The following ABI2 variants were observed in gnomAD, a reference collection of about 807,000 sequenced individuals.
The protein encoded by ABI2 is abl interactor 2, also known as abelson interactor 2.
A neutral mutation model predicts 59.2 loss-of-function variants in ABI2; 25 were observed. The observed-to-expected ratio is 0.42, with a 90% confidence interval of 0.31 to 0.59. ABI2 has a LOEUF of 0.59. Among genes scored for constraint, ABI2 ranks in the 20% least tolerant of loss-of-function variants. ABI2 has a pLI of 0.14. For synonymous variants in ABI2, 213 were observed against 235.5 expected (o/e 0.90, Z 0.87); for missense variants, 545 against 681.8 (o/e 0.80, Z 2.23).
At chr2:203,333,816 T>C (rs546629592) in intron 1 of ABI2, among the ~76,000 whole-genome samples, 5 of 152,220 alleles carry the variant, frequency 3.3e-5, no homozygotes, top group Admixed American at 2.0e-4. Context: ...ATTTCCGTTA[T>C]TGATCCAGGA....
At chr2:203,387,267 T>C (rs1357253420) in intron 4 of ABI2, among the ~76,000 whole-genome samples, 1 of 152,148 alleles carries the variant, frequency 6.6e-6, no homozygotes, top group Non-Finnish European at 1.5e-5. Flanking sequence ...AGGCATGATA[T>C]TTGTAATGAA....
intron 9 of ABI2, among the ~76,000 whole-genome samples, chr2:203,405,339 TG>T (rs1359559231): frequency 6.6e-6 from 1 of 152,218 alleles, no homozygotes; most frequent in East Asian, 1.9e-4. Context: ...TAATGATTTG[TG>T]AATCAGTGTT....
At position 203,334,280 on chromosome 2, in the gene ABI2, A is replaced by G. The variant is rs531838804; in HGVS notation, c.117+5649A>G. ...TTCTTACCTTGGTATGGGTAATGTG[A>G]GAATGTATGATAGGTTTACTTTATT... On this transcript the variant is annotated intron_variant, in intron 1 of 11. Coordinates refer to ENST00000261018, the MANE Select transcript of ABI2 (RefSeq NM_001375670.1). Among the ~76,000 whole-genome samples, 8 of 152,148 alleles carry G rather than the reference A, an allele frequency of 5.3e-5. No homozygotes were observed. The East Asian group carries it at 1.5e-3, about 29-fold the overall frequency.
intron 1 of ABI2, among the ~76,000 whole-genome samples, chr2:203,338,037 G>C (rs1183367715): frequency 1.3e-5 from 2 of 152,112 alleles, no homozygotes; most frequent in African/African-American, 4.8e-5. Context: ...CTCAAAAAAA[G>C]CTATAGTAAT....
chr2:203,369,079 C>T (rs2094846232), intron 2 of ABI2, among the ~76,000 whole-genome samples: 1 of 147,702 alleles, frequency 6.8e-6, no homozygotes, highest in African/African-American at 2.5e-5. Flanking sequence ...CAAGCAGTCT[C>T]CCACCTTAGT....
chr2:203,368,483 C>A (rs1222543715), intron 2 of ABI2, among the ~76,000 whole-genome samples: 3 of 152,004 alleles, frequency 2.0e-5, no homozygotes, highest in Non-Finnish European at 4.4e-5. Flanking sequence ...AATGAACTAA[C>A]CATCTTTGAG....
At chr2:203,335,462 A>G (rs954829925) in intron 1 of ABI2, among the ~76,000 whole-genome samples, 6 of 151,898 alleles carry the variant, frequency 4.0e-5, no homozygotes, top group Admixed American at 1.3e-4. Flanking sequence ...GGATCTCACT[A>G]TGTTGCTCCG....
chr2:203,377,503 C>T (rs1040386048), intron 2 of ABI2, among the ~76,000 whole-genome samples: 7 of 152,048 alleles, frequency 4.6e-5, no homozygotes, highest in African/African-American at 7.2e-5. Flanking sequence ...ATTGATCTGA[C>T]GAAGACCCAT....
chr2:203,338,414 C>T (rs949797413), intron 1 of ABI2, among the ~76,000 whole-genome samples: 9 of 151,466 alleles, frequency 5.9e-5, no homozygotes, highest in Admixed American at 5.3e-4. Flanking sequence ...GGGGCAGATC[C>T]CTCATGAATG....
intron 1 of ABI2, 75 bp from the exon 2 acceptor site, chr2:203,366,800 TGA>T (rs1471446567): frequency 3.7e-5 from 52 of 1,390,364 alleles, no homozygotes; most frequent in Non-Finnish European, 4.6e-5. Flanking sequence ...ATCGTTGTGA[TGA>T]GTTTTTTGGT....
At chr2:203,375,895 A>G (rs973547038) in intron 2 of ABI2, 5 of 458,548 alleles carry the variant, frequency 1.1e-5, no homozygotes, top group Non-Finnish European at 1.5e-5. Flanking sequence ...ATAGAACCGT[A>G]GCCATTTTCT....
chr2:203,368,093 C>T (rs996493893), intron 2 of ABI2, among the ~76,000 whole-genome samples: 2 of 151,986 alleles, frequency 1.3e-5, no homozygotes, highest in African/African-American at 2.4e-5. Context: ...TTTAACTTAG[C>T]GTTAAGGCAA....
rs184517881 is a variant in ABI2, at chr2:203,430,023, T to C, written c.*2671T>C. On this transcript the variant is annotated 3_prime_UTR_variant, in exon 12 of 12. Transcript: ENST00000261018. The stretch of plus-strand genomic sequence containing the variant: ...TGTTTTACAAACAGTACCTTTTGGG[T>C]TTTCTGCATATTTTATAATTTTTGT... The C allele has an allele frequency of 3.0e-4, 45 of 152,250 alleles. No homozygotes were observed. Among genetic ancestry groups the C allele is most frequent in the African/African-American group, 1.1e-3 (44 of 41,512 alleles). The allele number at this position is 152,250 out of a possible 1,614,324, so 9.4% of individuals were successfully genotyped here.
intron 5 of ABI2, 68 bp from the exon 6 acceptor site, chr2:203,394,632 G>A: frequency 6.8e-7 from 1 of 1,475,380 alleles, no homozygotes; most frequent in Non-Finnish European, 9.3e-7. Flanking sequence ...TCAACTGCTG[G>A]CAACTCTTTG....
intron 4 of ABI2, among the ~76,000 whole-genome samples, chr2:203,388,464 C>A (rs186304289): frequency 1.3e-5 from 2 of 152,054 alleles, no homozygotes; most frequent in Admixed American, 1.3e-4. Context: ...GGGTGGATCA[C>A]CTGAGGTCAG....
chr2:203,328,685 GCGCCTCGGGGCGTGGGGCCGAGGC>G lies in ABI2; in HGVS notation c.117+65_117+88del, dbSNP rs1212151672. 1,060 of 1,289,228 alleles carry G rather than the reference GCGCCTCGGGGCGTGGGGCCGAGGC, an allele frequency of 8.2e-4. 9 individuals are homozygous for G. The highest frequency in any genetic ancestry group is 6.4e-3 in the African/African-American group (411 of 64,396). The allele number at this position is 1,289,228 out of a possible 1,614,324, so 79.9% of individuals were successfully genotyped here. A position where few individuals can be genotyped will look rare whatever the true frequency, so the allele number is the denominator to read the frequency against. Reference sequence around the variant, plus strand: ...CGGGGACCCCCCCGCCGGGGGCCGCGCGCCTCGGGGCGTGGGGCCGAGGCCGCCTCGGGGACACGGCCCAGCGGA... The same window carrying G: ...CGGGGACCCCCCCGCCGGGGGCCGCGCGCCTCGGGGACACGGCCCAGCGGA... On this transcript the variant is annotated intron_variant, in intron 1 of 11. Coordinates refer to ENST00000261018, the MANE Select transcript of ABI2 (RefSeq NM_001375670.1).
At chr2:203,398,408 A>T (rs113026930) in intron 8 of ABI2, among the ~76,000 whole-genome samples, 32 of 152,326 alleles carry the variant, frequency 2.1e-4, no homozygotes, top group African/African-American at 7.5e-4. Flanking sequence ...CTCAGTGTTC[A>T]CTAAATAAAC....
intron 2 of ABI2, among the ~76,000 whole-genome samples, chr2:203,374,358 G>A (rs2095531220): frequency 6.6e-6 from 1 of 151,910 alleles, no homozygotes; most frequent in African/African-American, 2.4e-5. Flanking sequence ...AAATTAGCTG[G>A]GTGTGGTAGT....
chr2:203,426,076 T>C (rs976595895), intron 11 of ABI2, among the ~76,000 whole-genome samples: 17 of 151,966 alleles, frequency 1.1e-4, no homozygotes, highest in Admixed American at 1.0e-3. Flanking sequence ...TGGAAAATAT[T>C]CACAATTTAA....
Sources: gnomAD v4.1 joint callset for allele counts (sites outside exome capture counted in the v4.1 genomes callset) on GRCh38, gnomAD v4.1.1 for gene constraint, MANE v1.5 for transcripts, NCBI Gene and HGNC (gene_info 2026-07-23, HGNC 2026-07-21) for gene names.